CLEC17A: variants seen among roughly 807,000 people sequenced by gnomAD.
CLEC17A encodes C-type lectin domain family 17, member A.
CLEC17A carries 37 observed loss-of-function variants against 61.3 expected under a neutral mutation model. The observed-to-expected ratio is 0.60, with a 90% CI of 0.46 to 0.79. The LOEUF (loss-of-function observed/expected upper bound fraction) is 0.79, where lower values mean the gene tolerates loss of function less well. CLEC17A is among the 30% of genes least tolerant of loss of function. The pLI, the probability that CLEC17A is intolerant of heterozygous loss-of-function variation, is 0.00. For missense variants in CLEC17A, 418 were observed against 464.7 expected, an observed-to-expected ratio of 0.90 and a Z score of 0.92; for synonymous variants, 168 against 164.9, an observed-to-expected ratio of 1.02 and a Z score of -0.14.
At chr19:14,584,998 C>A (rs2074253157) in intron 2 of CLEC17A, among the ~76,000 whole-genome samples, 1 of 150,304 alleles carries the variant, frequency 6.7e-6, no homozygotes, top group African/African-American at 2.4e-5. Context: ...CAATTCTAAT[C>A]CAAACCCCAC....
At chr19:14,598,647 G>C (rs1181614372) in intron 10 of CLEC17A, among the ~76,000 whole-genome samples, 1 of 151,908 alleles carries the variant, frequency 6.6e-6, no homozygotes, top group Non-Finnish European at 1.5e-5. Flanking sequence ...CTAATTTTTT[G>C]TATTTTTAGT....
intron 12 of CLEC17A, among the ~76,000 whole-genome samples, chr19:14,601,115 C>T (rs1447211305): frequency 1.3e-5 from 2 of 151,520 alleles, no homozygotes; most frequent in Non-Finnish European, 2.9e-5. Context: ...GTTGGCCAGG[C>T]TGTTCTCGAA....
At chr19:14,608,806 T>C (rs1438217704) in intron 13 of CLEC17A, among the ~76,000 whole-genome samples, 1 of 150,098 alleles carries the variant, frequency 6.7e-6, no homozygotes, top group Non-Finnish European at 1.5e-5. Context: ...GCTAATTTTT[T>C]TTTTTTTTTT....
intron 8 of CLEC17A, 131 bp from the exon 9 acceptor site, chr19:14,596,745 C>G: frequency 9.2e-7 from 1 of 1,087,192 alleles, no homozygotes. Flanking sequence ...CCCTCTCTTG[C>G]TGACTTCATC....
chr19:14,607,102 G>T lies in CLEC17A; in HGVS notation c.1004G>T (p.Ser335Ile). Residue 335 changes from serine (S) to isoleucine (I), a missense_variant and splice_region_variant, in exon 13 of 14, where the codon AGC becomes ATC. By Grantham distance (142) the Ser-to-Ile change is moderately radical. Transcript: ENST00000417570. Reference sequence around the variant, plus strand: ...CTGGATGGGTCTCCTGTGACATTAAGGCAAGTGCTTGGGTTTCCTGGGGTC... The same window carrying T: ...CTGGATGGGTCTCCTGTGACATTAATGCAAGTGCTTGGGTTTCCTGGGGTC... ...RWLDGSPVTL[S>I]FWEPEEPNNI... 7.8e-7 allele frequency: 1 copy of T among 1,284,790 alleles called. No homozygotes were observed. Among genetic ancestry groups the T allele is most frequent in the South Asian group, 2.5e-5 (1 of 40,256 alleles). The allele number at this position is 1,284,790 out of a possible 1,614,324, so 79.6% of individuals were successfully genotyped here.
chr19:14,594,842 A>G, intron 7 of CLEC17A, 42 bp downstream of exon 7: 1 of 1,561,086 alleles, frequency 6.4e-7, no homozygotes, highest in South Asian at 1.1e-5. Context: ...AAGAGGGGAT[A>G]CCTGGATGTT....
intron 8 of CLEC17A, among the ~76,000 whole-genome samples, chr19:14,595,594 G>A (rs905884812): frequency 2.6e-5 from 4 of 152,192 alleles, no homozygotes; most frequent in African/African-American, 7.2e-5. Context: ...TTATGGTTCT[G>A]TTGGTGATTG....
intron 13 of CLEC17A, among the ~76,000 whole-genome samples, chr19:14,607,423 T>TA (rs2074917053): frequency 6.6e-6 from 1 of 151,712 alleles, no homozygotes; most frequent in South Asian, 2.1e-4. Flanking sequence ...CAGGATGGTC[T>TA]TGATCTCCTG....
chr19:14,586,793 C>T (rs35804081), intron 2 of CLEC17A, among the ~76,000 whole-genome samples: 6 of 152,142 alleles, frequency 3.9e-5, no homozygotes, highest in Admixed American at 3.9e-4. Context: ...GTTTATCCAT[C>T]TCTTCCACCC....
chr19:14,599,246 C>A lies in CLEC17A; in HGVS notation c.647-471C>A, dbSNP rs191715758. 7.8e-4 allele frequency among the ~76,000 whole-genome samples: 118 copies of A among 151,966 alleles called. No homozygotes were observed. In the East Asian group the frequency reaches 0.017, roughly 22 times the overall value. On this transcript the variant is annotated intron_variant, in intron 10 of 13. Coordinates refer to ENST00000417570, the MANE Select transcript of CLEC17A (RefSeq NM_001204118.2). ...GGGATTACAGGCATGTACCACCACG[C>A]CCAACTAATTTTTGTATTTTTAGTA...
At chr19:14,601,225 G>T (rs767348178) in intron 12 of CLEC17A, among the ~76,000 whole-genome samples, 3 of 152,018 alleles carry the variant, frequency 2.0e-5, no homozygotes, top group Non-Finnish European at 4.4e-5. Context: ...TTTATGCTGC[G>T]GTAACAGACA....
chr19:14,597,573 T>TA lies in CLEC17A; in HGVS notation c.646+420dup, dbSNP rs113715293. 6.7e-3 allele frequency among the ~76,000 whole-genome samples: 1,019 copies of TA among 152,084 alleles called. 12 individuals carry two copies. Among genetic ancestry groups the TA allele is most frequent in the African/African-American group, 0.023 (956 of 41,498 alleles). On this transcript the variant is annotated intron_variant, in intron 10 of 13. Transcript: ENST00000417570. ...GGGCAACACAGCAAGGCTCCATCTC[T>TA]AAAAAAAATTAGCCGGGTGTGGTGG... is the stretch of plus-strand genomic sequence containing the variant.
chr19:14,588,699 C>G (rs1283465287), intron 3 of CLEC17A: 1 of 152,000 alleles, frequency 6.6e-6, no homozygotes, highest in Non-Finnish European at 1.5e-5. Flanking sequence ...TGAGGTATTC[C>G]TGAGTTTACT....
chr19:14,592,705 AC>A (rs2074450676), intron 4 of CLEC17A, among the ~76,000 whole-genome samples: 1 of 151,842 alleles, frequency 6.6e-6, no homozygotes, highest in Admixed American at 6.6e-5. Context: ...TCACTCTGTC[AC>A]CCAGGCTGGA....
Position 14,597,203 on chromosome 19 carries a change from C to G in CLEC17A, c.646+42C>G, listed in dbSNP as rs371249026. The stretch of plus-strand genomic sequence containing the variant: ...ATTCCTTCATGCCACTCCTATTGAG[C>G]CCTAACCCAATCCTCAGATCCAACT... On this transcript the variant is annotated intron_variant, in intron 10 of 13. Transcript: ENST00000417570. The G allele has an allele frequency of 1.9e-3, 2,929 of 1,549,786 alleles. 80 individuals carry two copies. In the South Asian group the frequency reaches 0.032, roughly 17 times the overall value.
At chr19:14,581,952 A>C (rs2074187146), upstream of CLEC17A, among the ~76,000 whole-genome samples, 1 of 150,184 alleles carries the variant, frequency 6.7e-6, no homozygotes, top group South Asian at 2.1e-4. Context: ...GCACCCGGCC[A>C]GATTATTTTA....
chr19:14,611,952 C>T lies in CLEC17A; in HGVS notation c.*1756C>T, dbSNP rs1280784860. ...CCAGGAGGCGGAGGTTGCAGTGAGC[C>T]GAGATTGTGCCACTGCACTCCAGCC... On this transcript the variant is annotated 3_prime_UTR_variant, in exon 14 of 14. Coordinates refer to ENST00000417570, the MANE Select transcript of CLEC17A (RefSeq NM_001204118.2). 6.6e-6 allele frequency among the ~76,000 whole-genome samples: 1 copy of T among 152,056 alleles called. No homozygotes were observed. The highest frequency in any genetic ancestry group is 1.5e-5 in the Non-Finnish European group (1 of 67,990).
chr19:14,588,831 G>T (rs540745383), intron 3 of CLEC17A, among the ~76,000 whole-genome samples: 2 of 152,112 alleles, frequency 1.3e-5, no homozygotes, highest in East Asian at 3.9e-4. Context: ...GGCTGAGGCT[G>T]TATATCCCCC....
At chr19:14,608,370 A>C (rs1275881014) in intron 13 of CLEC17A, among the ~76,000 whole-genome samples, 1 of 152,026 alleles carries the variant, frequency 6.6e-6, no homozygotes, top group Non-Finnish European at 1.5e-5. Flanking sequence ...TTATTTTGGT[A>C]CACCACCCCC....
Sources: allele counts gnomAD v4.1 joint callset (sites outside exome capture counted in the v4.1 genomes callset), GRCh38; gene constraint gnomAD v4.1.1; transcripts MANE v1.5; gene names NCBI Gene and HGNC (gene_info 2026-07-23, HGNC 2026-07-21).